Variants in PTPRD observed in about 807,000 individuals in gnomAD.
PTPRD encodes the protein receptor-type tyrosine-protein phosphatase delta.
A neutral mutation model predicts 214.5 loss-of-function variants in PTPRD; 34 were observed. That is an observed-to-expected ratio of 0.16 (90% CI 0.12 to 0.21). The LOEUF is 0.21. Ranked by LOEUF, PTPRD falls within the 10% of genes least tolerant of loss-of-function variation. The pLI, the probability that PTPRD is intolerant of heterozygous loss-of-function variation, is 1.00. For synonymous variants in PTPRD, 1,128 were observed against 845.7 expected (o/e 1.33, Z -5.79); for missense variants, 2,545 against 2,398.7 (o/e 1.06, Z -1.27).
At chr9:9,016,514 T>G (rs1435195447) in intron 11 of PTPRD, among the ~76,000 whole-genome samples, 3 of 152,074 alleles carry the variant, frequency 2.0e-5, no homozygotes, top group African/African-American at 7.2e-5. Flanking sequence ...CTAGTACTGG[T>G]TAAAATCGGG....
intron 34 of PTPRD, among the ~76,000 whole-genome samples, chr9:8,446,187 ATGTT>A (rs1288498762): frequency 6.6e-6 from 1 of 152,140 alleles, no homozygotes; most frequent in African/African-American, 2.4e-5. Context: ...TGATCCAACT[ATGTT>A]TGTGGTACTG....
Position 10,515,383 on chromosome 9 carries a change from A to G in PTPRD, c.-600+97015T>C, listed in dbSNP as rs112471359. ...TGGTCCACAATCAAAACTATAGACT[A>G]CTTGGTCTTTTATTACCATAAAAGG... On this transcript the variant is annotated intron_variant, in intron 2 of 45. Transcript: ENST00000381196. Among the ~76,000 whole-genome samples the G allele has an allele frequency of 2.5e-4, 38 of 150,848 alleles. 1 individual carries two copies. Among genetic ancestry groups the G allele is most frequent in the African/African-American group, 8.7e-4 (36 of 41,512 alleles).
intron 12 of PTPRD, among the ~76,000 whole-genome samples, chr9:8,696,407 A>G (rs952673304): frequency 2.0e-5 from 3 of 152,218 alleles, no homozygotes; most frequent in African/African-American, 7.2e-5. Context: ...ATTAAATTCT[A>G]GATGTGTGGA....
intron 35 of PTPRD, among the ~76,000 whole-genome samples, chr9:8,425,904 T>A (rs1239398683): frequency 6.6e-6 from 1 of 152,214 alleles, no homozygotes; most frequent in Non-Finnish European, 1.5e-5. Flanking sequence ...GATATTTTAA[T>A]GTGGATATAA....
chr9:8,902,251 G>C (rs562200624), intron 11 of PTPRD, among the ~76,000 whole-genome samples: 43 of 152,074 alleles, frequency 2.8e-4, no homozygotes, highest in Non-Finnish European at 5.6e-4. Context: ...CAACTTCACT[G>C]TGACCTTAGA....
chr9:8,874,786 G>C (rs10977329), intron 11 of PTPRD, among the ~76,000 whole-genome samples: 39,486 of 152,196 alleles, frequency 0.26, 6,125 homozygotes, highest in Non-Finnish European at 0.34. Context: ...ATTGTGCAGA[G>C]CATGGCAAAT....
chr9:10,002,331 A>AATATATAT (rs3051049), intron 4 of PTPRD, among the ~76,000 whole-genome samples: 103 of 144,420 alleles, frequency 7.1e-4, no homozygotes, highest in South Asian at 3.0e-3. Flanking sequence ...TTTAAATATA[A>AATATATAT]ATATATATAT....
chr9:9,816,867 A>G (rs931447544), intron 5 of PTPRD, among the ~76,000 whole-genome samples: 2 of 122,940 alleles, frequency 1.6e-5, no homozygotes, highest in South Asian at 2.4e-4. Context: ...TCACCATTAC[A>G]CTAAGGTGAG....
chr9:9,239,733 G>A (rs549246773), intron 9 of PTPRD, among the ~76,000 whole-genome samples: 3 of 152,116 alleles, frequency 2.0e-5, no homozygotes, highest in African/African-American at 4.8e-5. Context: ...CAAAGTGCAG[G>A]GTCAAGCCCA....
At chr9:10,361,489 G>A (rs1206163398) in intron 2 of PTPRD, among the ~76,000 whole-genome samples, 2 of 151,992 alleles carry the variant, frequency 1.3e-5, no homozygotes, top group African/African-American at 2.4e-5. Flanking sequence ...GTTGGGTGTG[G>A]GGCAGGAAAA....
intron 11 of PTPRD, among the ~76,000 whole-genome samples, chr9:8,949,612 A>T (rs770335310): frequency 8.5e-5 from 13 of 152,172 alleles, no homozygotes; most frequent in Non-Finnish European, 1.8e-4. Flanking sequence ...AAATTTAAAT[A>T]CATTGAGGTC....
chr9:8,788,638 G>C (rs545049990), intron 11 of PTPRD, among the ~76,000 whole-genome samples: 1 of 150,840 alleles, frequency 6.6e-6, no homozygotes, highest in Admixed American at 6.6e-5. Context: ...GAAAAGTTAT[G>C]GAGGAAAATC....
chr9:9,736,543 C>T (rs1453915805), intron 6 of PTPRD, among the ~76,000 whole-genome samples: 1 of 152,006 alleles, frequency 6.6e-6, no homozygotes, highest in African/African-American at 2.4e-5. Flanking sequence ...TGCCTATGTT[C>T]TACTTTAGCA....
At chr9:8,563,294 T>C (rs75055929) in intron 14 of PTPRD, among the ~76,000 whole-genome samples, 3,923 of 152,292 alleles carry the variant, frequency 0.026, 147 homozygotes, top group East Asian at 0.11. Flanking sequence ...CGCAGGTCTA[T>C]GCATATGTCA....
intron 37 of PTPRD, 127 bp downstream of exon 37, chr9:8,389,105 T>G (rs2088454170): frequency 1.4e-6 from 1 of 713,686 alleles, no homozygotes; most frequent in Admixed American, 3.3e-5. Flanking sequence ...TGATGCCCAT[T>G]CATAATTAGT....
intron 3 of PTPRD, among the ~76,000 whole-genome samples, chr9:10,037,698 G>A (rs1403489708): frequency 2.0e-5 from 3 of 151,926 alleles, no homozygotes. Flanking sequence ...TTTGAGAGAG[G>A]ATCAATCTTC....
chr9:10,612,213 A>AAAAG (rs1374172192), intron 2 of PTPRD, among the ~76,000 whole-genome samples, 185 bp downstream of exon 2: 1 of 150,900 alleles, frequency 6.6e-6, no homozygotes, highest in African/African-American at 2.4e-5. Flanking sequence ...TCTTCCAAAA[A>AAAAG]AAAAAAAAAA....
intron 7 of PTPRD, among the ~76,000 whole-genome samples, chr9:9,674,054 T>C (rs912991896): frequency 1.3e-5 from 2 of 151,776 alleles, no homozygotes; most frequent in African/African-American, 2.4e-5. Flanking sequence ...GAGAAAATAA[T>C]ACAAGAAAGA....
chr9:10,277,472 ATG>A (rs1381151860), intron 3 of PTPRD, among the ~76,000 whole-genome samples: 1 of 152,196 alleles, frequency 6.6e-6, no homozygotes, highest in Admixed American at 6.5e-5. Flanking sequence ...TTGCTTCTCT[ATG>A]TACAAGTTTC....
Sources: gnomAD v4.1 joint callset for allele counts (sites outside exome capture counted in the v4.1 genomes callset) on GRCh38, gnomAD v4.1.1 for gene constraint, MANE v1.5 for transcripts, NCBI Gene and HGNC (gene_info 2026-07-23, HGNC 2026-07-21) for gene names.